Variants in RPS29 observed in about 807,000 individuals in gnomAD.
RPS29 encodes ribosomal protein S29, also known as small ribosomal subunit protein uS14.
For missense variants in RPS29, 60 were observed against 75.7 expected (o/e 0.79, Z 0.77); for synonymous variants, 37 against 26.9 (o/e 1.37, Z -1.16).
upstream of RPS29, among the ~76,000 whole-genome samples, chr14:49,590,039 G>T (rs180688148): frequency 8.3e-4 from 126 of 152,318 alleles, 2 homozygotes; most frequent in Admixed American, 7.3e-3. Flanking sequence ...CTACTTGAGG[G>T]TAGAGGGTGG....
At chr14:49,594,686 T>G (rs1441584636) in intron 1 of RPS29, among the ~76,000 whole-genome samples, 1 of 152,242 alleles carries the variant, frequency 6.6e-6, no homozygotes, top group Non-Finnish European at 1.5e-5. Context: ...CTGAAGACTT[T>G]CTAAAAACTC....
intron 1 of RPS29, chr14:49,598,296 A>C: frequency 1.7e-6 from 1 of 602,310 alleles, no homozygotes; most frequent in Non-Finnish European, 3.0e-6. Flanking sequence ...GCCCCGTCCT[A>C]GTTCAATCAA....
intron 2 of RPS29, among the ~76,000 whole-genome samples, chr14:49,584,192 C>A (rs1257561038): frequency 1.3e-5 from 2 of 152,184 alleles, no homozygotes; most frequent in East Asian, 3.8e-4. Context: ...AGGCTTGTTG[C>A]GGAAACCCTG....
downstream of RPS29, among the ~76,000 whole-genome samples, chr14:49,582,893 CCCCT>C (rs1308298144): frequency 5.3e-5 from 8 of 152,234 alleles, no homozygotes; most frequent in African/African-American, 1.9e-4. Flanking sequence ...ACTTGTACAA[CCCCT>C]CCAAGTGCTC....
At chr14:49,589,908 G>C (rs1881675660), upstream of RPS29, among the ~76,000 whole-genome samples, 1 of 152,176 alleles carries the variant, frequency 6.6e-6, no homozygotes. Flanking sequence ...GATGGAGCTG[G>C]AGGCCATTAT....
At chr14:49,577,898 T>A in intron 2 of RPS29, 18 of 1,415,202 alleles carry the variant, frequency 1.3e-5, no homozygotes, top group Non-Finnish European at 1.8e-5. Flanking sequence ...AAAGCAATGA[T>A]GCCCAACCAA....
intron 1 of RPS29, among the ~76,000 whole-genome samples, chr14:49,593,872 C>T (rs1881767417): frequency 6.6e-6 from 1 of 151,962 alleles, no homozygotes; most frequent in South Asian, 2.1e-4. Context: ...AGAGACAAGC[C>T]TTTGGGCAAC....
At chr14:49,571,683 G>T (rs1053393599) in exon 3 of RPS29, 1 of 152,086 alleles carries the variant, frequency 6.6e-6, no homozygotes. Flanking sequence ...TTTAGATACC[G>T]AAGCATGGTG....
intron 1 of RPS29, among the ~76,000 whole-genome samples, chr14:49,595,959 G>A (rs536078661): frequency 4.3e-4 from 65 of 150,768 alleles, no homozygotes; most frequent in African/African-American, 1.6e-3. Context: ...GTTGCAGTGA[G>A]GCGAGATCGT....
intron 2 of RPS29, chr14:49,585,745 C>T (rs996650898): frequency 3.5e-6 from 2 of 570,554 alleles, no homozygotes; most frequent in Non-Finnish European, 6.3e-6. Context: ...AAGACTAAGT[C>T]CTTCACCTTC....
chr14:49,575,753 G>A (rs1881162928), exon 3 of RPS29: 1 of 152,192 alleles, frequency 6.6e-6, no homozygotes, highest in Admixed American at 6.5e-5. Context: ...TGGAGTCTGA[G>A]GTAGGAGGAT....
chr14:49,586,537 C>T (rs1000660892), upstream of RPS29: 4 of 614,328 alleles, frequency 6.5e-6, no homozygotes, highest in Non-Finnish European at 1.2e-5. Context: ...GATGACGTCA[C>T]CATACCACAG....
upstream of RPS29, among the ~76,000 whole-genome samples, chr14:49,590,242 C>A (rs921043819): frequency 1.3e-5 from 2 of 152,116 alleles, no homozygotes; most frequent in Admixed American, 1.3e-4. Context: ...CTTTGGGAGG[C>A]TGAGGCAGGC....
rs1329508569 is a variant in RPS29 at position 49,583,727 on chromosome 14, T to C, written c.163-52A>G. On this transcript the variant is annotated intron_variant, in intron 2 of 2. Coordinates refer to ENST00000245458, the MANE Select transcript of RPS29 (RefSeq NM_001032.5). Reference sequence around the variant, plus strand: ...TTTCAAAATGCTTTAAATCTCTACTTGATTCTCACAAAAAAAAGGCTCATT... The same window carrying C: ...TTTCAAAATGCTTTAAATCTCTACTCGATTCTCACAAAAAAAAGGCTCATT... The C allele has an allele frequency of 3.6e-6, 4 of 1,126,160 alleles. No individual in the cohort carries two copies. The South Asian group carries it at 5.3e-5, about 15-fold the overall frequency. 69.8% of individuals were successfully genotyped at this position (1,126,160 alleles called of 1,614,324 possible).
chr14:49,574,618 G>C lies in RPS29; in HGVS notation c.*3194C>G, dbSNP rs184682546. 4 of 152,280 alleles carry C rather than the reference G, an allele frequency of 2.6e-5. No individual in the cohort carries two copies. The East Asian group carries it at 7.7e-4, about 29-fold the overall frequency. 9.4% of individuals were successfully genotyped at this position (152,280 alleles called of 1,614,324 possible). The stretch of plus-strand genomic sequence containing the variant: ...TCTCCTGCCTTTTTTCCAGACCTTA[G>C]TAACTCTAGCCATAGTCTCTATCAA... On this transcript the variant is annotated 3_prime_UTR_variant, in exon 3 of 3. Transcript: ENST00000396020.
At position 49,583,629 on chromosome 14, in the gene RPS29, G is replaced by C. The variant is rs2139510008; in HGVS notation, c.*38C>G. The C allele has an allele frequency of 6.4e-7, 1 of 1,572,890 alleles. No individual in the cohort carries two copies. The highest frequency in any genetic ancestry group is 8.6e-7 in the Non-Finnish European group (1 of 1,162,966). ...CAAAGAATTATCATGGTTTTTCATT[G>C]AGTAGATGCCCCGGATAATCCTCTG... On this transcript the variant is annotated 3_prime_UTR_variant, in exon 3 of 3. Transcript: ENST00000245458.
chr14:49,573,874 C>T (rs1046832914), exon 3 of RPS29: 2 of 152,142 alleles, frequency 1.3e-5, no homozygotes, highest in African/African-American at 2.4e-5. Flanking sequence ...TGAAATGGGA[C>T]GTGTGGGTGT....
chr14:49,586,430 A>T, upstream of RPS29: 1 of 1,233,194 alleles, frequency 8.1e-7, no homozygotes. Flanking sequence ...GTTTACCCAG[A>T]ATGCAGTGCT....
chr14:49,579,123 T>A (rs1332116576), downstream of RPS29, among the ~76,000 whole-genome samples: 3 of 152,168 alleles, frequency 2.0e-5, no homozygotes, highest in African/African-American at 7.2e-5. Context: ...TGGGGCATTT[T>A]GGAAAGAGAT....
Sources: allele counts gnomAD v4.1 joint callset (sites outside exome capture counted in the v4.1 genomes callset), GRCh38; gene constraint gnomAD v4.1.1; transcripts MANE v1.5; gene names NCBI Gene and HGNC (gene_info 2026-07-23, HGNC 2026-07-21).